PXDNL: variants seen among roughly 807,000 people sequenced by gnomAD.
PXDNL encodes the protein peroxidasin like.
A neutral mutation model predicts 150.8 loss-of-function variants in PXDNL; 145 were observed. That is an observed-to-expected ratio of 0.96 (90% CI 0.84 to 1.10). PXDNL has a LOEUF of 1.10. Ranked by LOEUF, PXDNL falls within the 50% of genes least tolerant of loss-of-function variation. PXDNL has a pLI of 0.00. For missense variants in PXDNL, 2,087 were observed against 1,873.9 expected (o/e 1.11, Z -2.10); for synonymous variants, 757 against 725.7 (o/e 1.04, Z -0.69).
At chr8:51,608,386 C>CAAAAAAAA (rs760838357) in intron 2 of PXDNL, among the ~76,000 whole-genome samples, 1 of 75,408 alleles carries the variant, frequency 1.3e-5, no homozygotes. Flanking sequence ...GAGACTCCGT[C>CAAAAAAAA]AAAAAAAAAA....
At chr8:51,784,872 C>A (rs1324167152) in intron 1 of PXDNL, among the ~76,000 whole-genome samples, 1 of 152,194 alleles carries the variant, frequency 6.6e-6, no homozygotes, top group Non-Finnish European at 1.5e-5. Context: ...TTTAACCCCC[C>A]TCTTTTTAGC....
chr8:51,380,611 A>G (rs1779713601), intron 17 of PXDNL, among the ~76,000 whole-genome samples: 1 of 152,190 alleles, frequency 6.6e-6, no homozygotes, highest in South Asian at 2.1e-4. Context: ...TATTTGCAAA[A>G]AAAAGTAATA....
intron 21 of PXDNL, among the ~76,000 whole-genome samples, chr8:51,328,222 C>T (rs1805578357): frequency 6.6e-6 from 1 of 152,218 alleles, no homozygotes; most frequent in African/African-American, 2.4e-5. Flanking sequence ...TTGGACTGTC[C>T]AGCCTCCATA....
chr8:51,553,238 A>G (rs1812530087), intron 4 of PXDNL, among the ~76,000 whole-genome samples: 1 of 152,094 alleles, frequency 6.6e-6, no homozygotes, highest in Non-Finnish European at 1.5e-5. Flanking sequence ...TTGTGCTGCA[A>G]GCTCTCCCAG....
intron 1 of PXDNL, among the ~76,000 whole-genome samples, chr8:51,714,435 C>A (rs1277309557): frequency 6.6e-6 from 1 of 152,174 alleles, no homozygotes; most frequent in African/African-American, 2.4e-5. Flanking sequence ...ACAGACACTT[C>A]AGTCATTCTG....
intron 1 of PXDNL, among the ~76,000 whole-genome samples, chr8:51,719,664 A>C (rs1456138575): frequency 6.6e-6 from 1 of 151,922 alleles, no homozygotes; most frequent in African/African-American, 2.4e-5. Context: ...AACTATTTCT[A>C]CCTTCTAATG....
At chr8:51,668,240 TCTCAG>T (rs1302554321) in intron 1 of PXDNL, among the ~76,000 whole-genome samples, 1 of 140,030 alleles carries the variant, frequency 7.1e-6, no homozygotes, top group Non-Finnish European at 1.5e-5. Context: ...AGTGGCGCTA[TCTCAG>T]CTCACTGCAT....
chr8:51,453,819 C>T, intron 9 of PXDNL, 34 bp from the exon 10 acceptor site: 1 of 1,603,786 alleles, frequency 6.2e-7, no homozygotes. Context: ...CGAAATCCAG[C>T]AAGTAGCAGT....
chr8:51,753,752 T>C (rs2037070403), intron 1 of PXDNL, among the ~76,000 whole-genome samples: 1 of 152,240 alleles, frequency 6.6e-6, no homozygotes, highest in Non-Finnish European at 1.5e-5. Flanking sequence ...GAGGAAATTA[T>C]AGCAGATGAA....
chr8:51,615,713 G>T (rs1332649155), intron 2 of PXDNL, among the ~76,000 whole-genome samples: 1 of 152,192 alleles, frequency 6.6e-6, no homozygotes, highest in African/African-American at 2.4e-5. Flanking sequence ...CCTTAAGATA[G>T]ATTTTACCAA....
rs796363766 is a variant in PXDNL at position 51,559,340 on chromosome 8, C to T, written c.309-2429G>A. Among the ~76,000 whole-genome samples the T allele has an allele frequency of 7.1e-4, 103 of 145,146 alleles. 2 individuals are homozygous for T. The highest frequency in any genetic ancestry group is 2.1e-3 in the African/African-American group (84 of 40,800). ...TTTTGTTTCTTCCAAACCCCCCCCC[C>T]CCCCGCCACCTTCTTTCCTGATTAA... is the stretch of plus-strand genomic sequence containing the variant. On this transcript the variant is annotated intron_variant, in intron 3 of 22. Coordinates refer to ENST00000356297, the MANE Select transcript of PXDNL (RefSeq NM_144651.5).
chr8:51,701,069 G>T (rs1326517877), intron 1 of PXDNL, among the ~76,000 whole-genome samples: 1 of 151,636 alleles, frequency 6.6e-6, no homozygotes, highest in African/African-American at 2.4e-5. Context: ...TACTATCCAG[G>T]TTTCTTATAG....
rs1208782713 is a variant in PXDNL, at chr8:51,370,277, C to T, written c.3901+1596G>A. Among the ~76,000 whole-genome samples, 6 of 152,016 alleles carry T rather than the reference C, an allele frequency of 3.9e-5. No homozygotes were observed. The East Asian group carries it at 5.8e-4, about 15-fold the overall frequency. ...TGGGCACGCAGCCCTGGCCTCTACA[C>T]GGAGCCATTGCTTCCTTGCAGGGCA... On this transcript the variant is annotated intron_variant, in intron 19 of 22. Transcript: ENST00000356297.
chr8:51,377,888 C>CA (rs1487830055), intron 17 of PXDNL, among the ~76,000 whole-genome samples: 3 of 152,240 alleles, frequency 2.0e-5, no homozygotes, highest in African/African-American at 7.2e-5. Flanking sequence ...ATCAACTGCC[C>CA]AAGGGCTGAG....
intron 1 of PXDNL, among the ~76,000 whole-genome samples, chr8:51,757,392 G>A (rs1189525277): frequency 6.6e-6 from 1 of 152,202 alleles, no homozygotes; most frequent in African/African-American, 2.4e-5. Context: ...ATCTGCACCC[G>A]TGGCTGGTTC....
At chr8:51,780,649 CTTTTCTTTTTTTTTTTT>C (rs1200742869) in intron 1 of PXDNL, among the ~76,000 whole-genome samples, 2 of 114,480 alleles carry the variant, frequency 1.7e-5, no homozygotes, top group African/African-American at 6.3e-5. Context: ...TTTTTCTTTT[CTTTTCTTTTTTTTTTTT>C]TTTTTTTTTT....
At chr8:51,799,809 G>T (rs1157204630) in intron 1 of PXDNL, among the ~76,000 whole-genome samples, 1 of 152,110 alleles carries the variant, frequency 6.6e-6, no homozygotes, top group South Asian at 2.1e-4. Flanking sequence ...TAAAACAAGG[G>T]TGCCAACTAG....
chr8:51,711,220 A>T (rs1585692752), intron 1 of PXDNL, among the ~76,000 whole-genome samples: 1 of 152,300 alleles, frequency 6.6e-6, no homozygotes, highest in Admixed American at 6.5e-5. Flanking sequence ...GGCTCACTGC[A>T]ACCACCTTTC....
At chr8:51,341,540 G>A (rs550660980) in intron 20 of PXDNL, among the ~76,000 whole-genome samples, 13 of 152,088 alleles carry the variant, frequency 8.5e-5, no homozygotes, top group African/African-American at 2.9e-4. Flanking sequence ...ATGGGTACTA[G>A]GTTGTGCAGC....
Sources: allele counts gnomAD v4.1 joint callset (sites outside exome capture counted in the v4.1 genomes callset), GRCh38; gene constraint gnomAD v4.1.1; transcripts MANE v1.5; gene names NCBI Gene and HGNC (gene_info 2026-07-23, HGNC 2026-07-21).